Variants in RHBDF1 observed in about 807,000 individuals in gnomAD.
RHBDF1 encodes inactive rhomboid protein 1.
RHBDF1 carries 80 observed loss-of-function variants against 98.6 expected under a neutral mutation model. That is an observed-to-expected ratio of 0.81 (90% CI 0.68 to 0.98). The LOEUF (loss-of-function observed/expected upper bound fraction) is 0.98, where lower values mean the gene tolerates loss of function less well. Ranked by LOEUF, RHBDF1 falls within the 50% of genes least tolerant of loss-of-function variation. The pLI, the probability that RHBDF1 is intolerant of heterozygous loss-of-function variation, is 0.00. For synonymous variants in RHBDF1, 512 were observed against 486.8 expected, an observed-to-expected ratio of 1.05 and a Z score of -0.68; for missense variants, 1,116 against 1,198.3, an observed-to-expected ratio of 0.93 and a Z score of 1.01.
At chr16:60,316 G>T in intron 12 of RHBDF1, 37 bp from the exon 13 acceptor site, 2 of 1,612,950 alleles carry the variant, frequency 1.2e-6, no homozygotes, top group Non-Finnish European at 8.5e-7. Flanking sequence ...CCGGCTTCGA[G>T]CCCCTAGCAT....
intron 1 of RHBDF1, among the ~76,000 whole-genome samples, chr16:71,753 C>A (rs572701329): frequency 2.0e-5 from 3 of 152,306 alleles, no homozygotes; most frequent in Non-Finnish European, 4.4e-5. Context: ...CCTGCCCATT[C>A]CCCGCCCAGC....
In RHBDF1 at chr16:58,418, C is replaced by G. The variant is rs1316281540; in HGVS notation, c.2490G>C (p.Glu830Asp). ...VLFYVYPVRC[E>D]WCEFLTCIPF... is the part of the protein sequence containing the mutation. Reference sequence around the variant, plus strand: ...GGATGCAGGTGAGGAACTCACACCACTCACAGCGGACAGGATAGACGTAGA... The same window carrying G: ...GGATGCAGGTGAGGAACTCACACCAGTCACAGCGGACAGGATAGACGTAGA... Residue 830 changes from glutamate to aspartate, a missense_variant, in exon 18 of 18, where the codon GAG becomes GAC. Transcript: ENST00000262316. The G allele has an allele frequency of 6.2e-7, 1 of 1,614,030 alleles. No homozygotes were observed. Among genetic ancestry groups the G allele is most frequent in the East Asian group, 2.2e-5 (1 of 44,886 alleles).
chr16:63,580 G>T lies in RHBDF1; in HGVS notation c.462+7C>A. On this transcript the variant is annotated splice_region_variant and intron_variant, in intron 4 of 17. Transcript: ENST00000262316. ...GGCCTGCAGGAGGCAGCAACAGGCA[G>T]GCATACCTTCTGCATGCCCAGCTGG... The T allele has an allele frequency of 6.5e-7, 1 of 1,541,534 alleles. No homozygotes were observed.
In RHBDF1 at chr16:59,804, C is replaced by A; in HGVS notation, c.1745G>T (p.Gly582Val). ...CATGTGGGGATGGTTGGTGTGGTTC[C>A]CAGCGCTGTTTTTGGTGCAGATCTG... ...KWPICTKNSAGNHTNHPHMDC... is the reference protein window; with the variant it reads ...KWPICTKNSAVNHTNHPHMDC... Residue 582 changes from glycine (G) to valine (V), a missense_variant, in exon 14 of 18, where the codon GGG (glycine) becomes GTG (valine). Gly to Val is a moderately radical substitution (Grantham distance 109). Coordinates refer to ENST00000262316, the MANE Select transcript of RHBDF1 (RefSeq NM_022450.5). 1 of 1,614,118 alleles carries A rather than the reference C, an allele frequency of 6.2e-7. No homozygotes were observed. The highest frequency in any genetic ancestry group is 1.7e-5 in the Admixed American group (1 of 60,022).
At chr16:63,940 A>G (rs1413274545) in intron 3 of RHBDF1, 140 bp from the exon 4 acceptor site, 2 of 799,658 alleles carry the variant, frequency 2.5e-6, no homozygotes, top group Non-Finnish European at 4.3e-6. Flanking sequence ...GGCAAGGTCT[A>G]ATAAGAGGAT....
chr16:63,586 C>A lies in RHBDF1; in HGVS notation c.462+1G>T, dbSNP rs761383021. The A allele has an allele frequency of 1.9e-6, 3 of 1,546,512 alleles. No homozygotes were observed. The highest frequency in any genetic ancestry group is 2.6e-6 in the Non-Finnish European group (3 of 1,147,270). The stretch of plus-strand genomic sequence containing the variant: ...CAGGAGGCAGCAACAGGCAGGCATA[C>A]CTTCTGCATGCCCAGCTGGCATGGC... On this transcript the variant is annotated splice_donor_variant, in intron 4 of 17. Coordinates refer to ENST00000262316, the MANE Select transcript of RHBDF1 (RefSeq NM_022450.5). LOFTEE classifies it high-confidence loss of function.
At position 58,392 on chromosome 16, in the gene RHBDF1, G is replaced by A. The variant is rs1322167886; in HGVS notation, c.2516C>T (p.Pro839Leu). ...CTTCTCACAGAACTTGTCAGTGAAG[G>A]GGATGCAGGTGAGGAACTCACACCA... is the stretch of plus-strand genomic sequence containing the variant. ...CEWCEFLTCI[P>L]FTDKFCEKYE... is the part of the protein sequence containing the mutation. Residue 839 changes from proline to leucine, a missense_variant, in exon 18 of 18, where the codon CCC (proline) becomes CTC (leucine). By Grantham distance (98) the Pro-to-Leu change is moderately conservative (BLOSUM62 -3). Coordinates refer to ENST00000262316, the MANE Select transcript of RHBDF1 (RefSeq NM_022450.5). 1.9e-6 allele frequency: 3 copies of A among 1,613,806 alleles called. No individual in the cohort carries two copies. The highest frequency in any genetic ancestry group is 1.1e-5 in the South Asian group (1 of 91,090).
chr16:62,681 A>G lies in RHBDF1; in HGVS notation c.810T>C (p.His270=), dbSNP rs1401452565. 7 of 1,613,984 alleles carry G rather than the reference A, an allele frequency of 4.3e-6. No individual in the cohort carries two copies. Among genetic ancestry groups the G allele is most frequent in the Non-Finnish European group, 5.9e-6 (7 of 1,180,012 alleles). Residue 270 remains histidine (H), a synonymous_variant, in exon 7 of 18, where the codon CAT becomes CAC. Transcript: ENST00000262316. ...TSFFAREGIL[H]EELSTYPDEV... ...CATCCGGGTATGTGGACAGCTCTTC[A>G]TGGAGGATACCTTCCTGAGCAAACA...
At chr16:59,216 G>A (rs1245368450) in intron 16 of RHBDF1, 33 bp downstream of exon 16, 2 of 1,592,098 alleles carry the variant, frequency 1.3e-6, no homozygotes, top group Non-Finnish European at 1.7e-6. Flanking sequence ...TGAGGGCCCT[G>A]AGACCCCCGA....
At chr16:62,098 C>T in intron 7 of RHBDF1, 46 bp from the exon 8 acceptor site, 2 of 1,435,666 alleles carry the variant, frequency 1.4e-6, no homozygotes, top group Non-Finnish European at 1.8e-6. Context: ...CCGCAAACTG[C>T]TGCAGTCCCT....
intron 1 of RHBDF1, among the ~76,000 whole-genome samples, chr16:65,485 G>A (rs1292403644): frequency 6.6e-6 from 1 of 152,254 alleles, no homozygotes; most frequent in Non-Finnish European, 1.5e-5. Flanking sequence ...GCCTCCCCAT[G>A]AAGTAACAGC....
In RHBDF1 at chr16:64,757, G is replaced by T. The variant is rs1460554151; in HGVS notation, c.190C>A (p.His64Asn). Residue 64 changes from histidine (H) to asparagine (N), a missense_variant, in exon 3 of 18, where the codon CAT becomes AAT. By Grantham distance (68) the His-to-Asn change is moderately conservative (BLOSUM62 1). Transcript: ENST00000262316. ...TGCAGCACCGGCCGCCGGAGCTCAT[G>T]GTGGGGTGAAGAGATGTGGGCTGTC... ...AETAHISSPH[H>N]ELRRPVLQRQ... 24 of 1,613,972 alleles carry T rather than the reference G, an allele frequency of 1.5e-5. No homozygotes were observed. The highest frequency in any genetic ancestry group is 2.0e-5 in the Non-Finnish European group (24 of 1,179,996).
intron 11 of RHBDF1, 112 bp from the exon 12 acceptor site, chr16:60,651 G>A (rs1469360570): frequency 1.4e-6 from 1 of 708,912 alleles, no homozygotes; most frequent in Non-Finnish European, 2.4e-6. Context: ...GCTTCTACAA[G>A]TCACCCCCAC....
chr16:66,584 G>T (rs970904442), intron 1 of RHBDF1, among the ~76,000 whole-genome samples: 2 of 152,244 alleles, frequency 1.3e-5, no homozygotes, highest in Admixed American at 6.5e-5. Context: ...CAGGTGGGAG[G>T]GGGTACTTCA....
In RHBDF1 at chr16:60,254, C is replaced by A. The variant is rs1163842485; in HGVS notation, c.1684G>T (p.Asp562Tyr). 6.2e-7 allele frequency: 1 copy of A among 1,614,096 alleles called. No homozygotes were observed. Residue 562 changes from aspartate (D) to tyrosine (Y), a missense_variant, in exon 13 of 18, where the codon GAC (aspartate) becomes TAC (tyrosine). Transcript: ENST00000262316. ...ATGTCTTCTGGCCACTCATGAGGGT[C>A]TTCGGAGGAGGGCTCATCACACACC... ...PRVCDEPSSE[D>Y]PHEWPEDITK... is the part of the protein sequence containing the mutation.
Position 61,922 on chromosome 16 carries a change from T to G in RHBDF1, c.1084A>C (p.Lys362Gln), listed in dbSNP as rs1398322360. Residue 362 changes from lysine (K) to glutamine (Q), a missense_variant, in exon 8 of 18, where the codon AAG becomes CAG. Transcript: ENST00000262316. Reference protein sequence around the residue: ...RGQRIAVPVRKLFAREKRPYG... With the variant: ...RGQRIAVPVRQLFAREKRPYG... Reference sequence around the variant, plus strand: ...GGCCGCTTCTCCCGGGCGAAGAGCTTGCGCACCGGCACCGCGATACGCTGG... The same window carrying G: ...GGCCGCTTCTCCCGGGCGAAGAGCTGGCGCACCGGCACCGCGATACGCTGG... The G allele has an allele frequency of 6.2e-7, 1 of 1,601,866 alleles. No homozygotes were observed. Among genetic ancestry groups the G allele is most frequent in the Non-Finnish European group, 8.5e-7 (1 of 1,179,524 alleles).
intron 9 of RHBDF1, 52 bp downstream of exon 9, chr16:61,533 T>G: frequency 3.1e-6 from 5 of 1,609,866 alleles, no homozygotes; most frequent in Non-Finnish European, 4.2e-6. Flanking sequence ...CGGGAGGGGG[T>G]CCAGTGCCCG....
chr16:62,235 G>T, intron 7 of RHBDF1, 183 bp from the exon 8 acceptor site: 1 of 857,950 alleles, frequency 1.2e-6, no homozygotes, highest in Non-Finnish European at 1.7e-6. Flanking sequence ...CAGGGAGCTG[G>T]AACGGGGACA....
Position 61,796 on chromosome 16 carries a change from A to G in RHBDF1, c.1208+2T>C. On this transcript the variant is annotated splice_donor_variant, in intron 8 of 17. Transcript: ENST00000262316. LOFTEE classifies it high-confidence loss of function. ...AACCCAGGCCTTGCCTGCCACGCCTACCTGTGGTCGTCCATGTCCTCGATC... is the reference window on the plus strand; with the variant it reads ...AACCCAGGCCTTGCCTGCCACGCCTGCCTGTGGTCGTCCATGTCCTCGATC... 2 of 1,612,508 alleles carry G rather than the reference A, an allele frequency of 1.2e-6. No homozygotes were observed. Among genetic ancestry groups the G allele is most frequent in the Non-Finnish European group, 1.7e-6 (2 of 1,179,608 alleles).
Sources: gnomAD v4.1 joint callset for allele counts (sites outside exome capture counted in the v4.1 genomes callset) on GRCh38, gnomAD v4.1.1 for gene constraint, MANE v1.5 for transcripts, NCBI Gene and HGNC (gene_info 2026-07-23, HGNC 2026-07-21) for gene names.